Variants in GJA8 observed in about 807,000 individuals in gnomAD.
The protein encoded by GJA8 is gap junction alpha-8 protein.
Under a neutral mutation model 15.3 loss-of-function variants are expected in GJA8, and 13 were observed. The ratio of observed to expected loss-of-function variants is 0.85; its 90% CI spans 0.55 to 1.35. The LOEUF (loss-of-function observed/expected upper bound fraction) is 1.35. Among genes scored for constraint, GJA8 ranks in the 40% most tolerant of loss-of-function variants. The pLI is 0.00. For synonymous variants in GJA8, 304 were observed against 238.7 expected (o/e 1.27, Z -2.52); for missense variants, 607 against 553.3 (o/e 1.10, Z -0.97).
Position 147,907,994 on chromosome 1 carries a change from G to A in GJA8, c.39G>A (p.Glu13=). 6.2e-7 allele frequency: 1 copy of A among 1,614,094 alleles called. No individual in the cohort carries two copies. The highest frequency in any genetic ancestry group is 8.5e-7 in the Non-Finnish European group (1 of 1,179,972). The part of the protein sequence containing the change: ...DWSFLGNILE[E]VNEHSTVIGR... ...GTTTCCTGGGGAACATCTTGGAGGA[G>A]GTGAATGAGCACTCCACCGTCATCG... Residue 13 remains glutamate (E), a synonymous_variant, in exon 2 of 2, where the codon GAG becomes GAA. Coordinates refer to ENST00000369235, the MANE Select transcript of GJA8 (RefSeq NM_005267.5).
intron 1 of GJA8, among the ~76,000 whole-genome samples, chr1:147,906,847 T>C (rs1553242328): frequency 6.6e-6 from 1 of 152,162 alleles, no homozygotes; most frequent in African/African-American, 2.4e-5. Flanking sequence ...TCTTGGACAA[T>C]ATATTTAGCC....
At position 147,908,298 on chromosome 1, in the gene GJA8, G is replaced by A. The variant is rs782663112; in HGVS notation, c.343G>A (p.Gly115Ser). ...CAAAAGCCGCGAGGCGGAGGAGCTG[G>A]GCCAGCAGGCGGGGACTAACGGCGG... ...KRKSREAEEL[G>S]QQAGTNGGPD... is the part of the protein sequence containing the mutation. The change falls in exon 2 of 2, where the codon GGC becomes AGC. Residue 115 changes from glycine (G) to serine (S), a missense_variant. Transcript: ENST00000369235. 6.2e-7 allele frequency: 1 copy of A among 1,614,180 alleles called. No homozygotes were observed. Among genetic ancestry groups the A allele is most frequent in the Non-Finnish European group, 8.5e-7 (1 of 1,180,022 alleles).
chr1:147,905,248 A>G (rs1380696184), intron 1 of GJA8, among the ~76,000 whole-genome samples: 2 of 152,190 alleles, frequency 1.3e-5, no homozygotes, highest in Admixed American at 6.5e-5. Flanking sequence ...ACTGCTGTCT[A>G]TGGAGCTCCC....
chr1:147,904,181 C>CCTCGGCCTCCCAT (rs1401032013), intron 1 of GJA8, among the ~76,000 whole-genome samples: 13 of 152,164 alleles, frequency 8.5e-5, no homozygotes, highest in African/African-American at 3.1e-4. Context: ...GATCCTCCCA[C>CCTCGGCCTCCCAT]CTCGGCCTCC....
rs1553242761 is a variant in GJA8, at chr1:147,908,555, G to A, written c.600G>A (p.Thr200=). 3 of 1,614,032 alleles carry A rather than the reference G, an allele frequency of 1.9e-6. No individual in the cohort carries two copies. The highest frequency in any genetic ancestry group is 2.2e-5 in the East Asian group (1 of 44,888). Residue 200 remains threonine, a synonymous_variant, in exon 2 of 2, where the codon ACG becomes ACA. Transcript: ENST00000369235. ...TGGACTGCTTCGTGTCCCGGCCCAC[G>A]GAGAAAACCATCTTCATCCTGTTCA... ...NVVDCFVSRP[T]EKTIFILFML...
chr1:147,904,768 G>A (rs1380092339), intron 1 of GJA8, among the ~76,000 whole-genome samples: 2 of 152,162 alleles, frequency 1.3e-5, no homozygotes, highest in African/African-American at 4.8e-5. Flanking sequence ...CAGTAGGCCT[G>A]TTTCAACATC....
chr1:147,907,968 A>T lies in GJA8; in HGVS notation c.13A>T (p.Ser5Cys). Residue 5 changes from serine to cysteine, a missense_variant, in exon 2 of 2, where the codon AGT becomes TGT. Transcript: ENST00000369235. The stretch of plus-strand genomic sequence containing the variant: ...AGGTGGGTGAGAAATGGGCGACTGG[A>T]GTTTCCTGGGGAACATCTTGGAGGA... Reference protein sequence around the residue: MGDWSFLGNILEEVN... With the variant: MGDWCFLGNILEEVN... 1 of 1,613,708 alleles carries T rather than the reference A, an allele frequency of 6.2e-7. No homozygotes were observed. The highest frequency in any genetic ancestry group is 1.1e-5 in the South Asian group (1 of 91,070).
chr1:147,913,065 G>C (rs1553243683), downstream of GJA8, among the ~76,000 whole-genome samples: 1 of 152,012 alleles, frequency 6.6e-6, no homozygotes, highest in Non-Finnish European at 1.5e-5. Flanking sequence ...TCAAGTCAGG[G>C]GTGTTGATTG....
chr1:147,904,578 A>G (rs1401362362), intron 1 of GJA8, among the ~76,000 whole-genome samples: 1 of 152,224 alleles, frequency 6.6e-6, no homozygotes, highest in African/African-American at 2.4e-5. Context: ...CAAGCAAAAT[A>G]AAACAGAGAA....
chr1:147,903,288 T>C (rs180947626), intron 1 of GJA8, among the ~76,000 whole-genome samples: 40 of 152,320 alleles, frequency 2.6e-4, no homozygotes, highest in Non-Finnish European at 5.1e-4. Flanking sequence ...GGCTTCGTGC[T>C]CAGCATTTTC....
At chr1:147,902,962 G>C (rs1231225670) in intron 1 of GJA8, among the ~76,000 whole-genome samples, 101 bp downstream of exon 1, 4 of 152,132 alleles carry the variant, frequency 2.6e-5, no homozygotes, top group Non-Finnish European at 4.4e-5. Context: ...AAAGGAAAAA[G>C]GTTGCCAATA....
downstream of GJA8, among the ~76,000 whole-genome samples, chr1:147,912,980 A>T (rs1259217398): frequency 1.3e-5 from 2 of 152,064 alleles, no homozygotes; most frequent in African/African-American, 2.4e-5. Context: ...CCACACAGGG[A>T]AGCATCCAGT....
At chr1:147,912,149 C>T (rs1652186748), downstream of GJA8, among the ~76,000 whole-genome samples, 1 of 152,296 alleles carries the variant, frequency 6.6e-6, no homozygotes, top group African/African-American at 2.4e-5. Context: ...CATTTGCCAC[C>T]TACCTACATC....
At position 147,908,004 on chromosome 1, in the gene GJA8, C is replaced by G. The variant is rs782012694; in HGVS notation, c.49C>G (p.His17Asp). The change falls in exon 2 of 2, where the codon CAC (histidine) becomes GAC (aspartate). Residue 17 changes from histidine (H) to aspartate (D), a missense_variant. Coordinates refer to ENST00000369235, the MANE Select transcript of GJA8 (RefSeq NM_005267.5). ...LGNILEEVNE[H>D]STVIGRVWLT... The stretch of plus-strand genomic sequence containing the variant: ...GAACATCTTGGAGGAGGTGAATGAG[C>G]ACTCCACCGTCATCGGCAGAGTCTG... 9.3e-6 allele frequency: 15 copies of G among 1,613,622 alleles called. No homozygotes were observed. Among genetic ancestry groups the G allele is most frequent in the Non-Finnish European group, 1.1e-5 (13 of 1,179,538 alleles).
chr1:147,912,962 G>C (rs1266744846), downstream of GJA8, among the ~76,000 whole-genome samples: 1 of 148,362 alleles, frequency 6.7e-6, no homozygotes, highest in Non-Finnish European at 1.5e-5. Flanking sequence ...CCATGTCTTT[G>C]TCCCCTGCCA....
chr1:147,908,350 G>A lies in GJA8; in HGVS notation c.395G>A (p.Ser132Asn), dbSNP rs782766869. Reference protein sequence around the residue: ...GGPDQGSVKKSSGSKGTKKFR... With the variant: ...GGPDQGSVKKNSGSKGTKKFR... The stretch of plus-strand genomic sequence containing the variant: ...CCGGACCAGGGCAGCGTCAAGAAGA[G>A]CAGCGGCAGCAAAGGCACTAAGAAG... Residue 132 changes from serine (S) to asparagine (N), a missense_variant, in exon 2 of 2, where the codon AGC becomes AAC. Transcript: ENST00000369235. 1.7e-5 allele frequency: 27 copies of A among 1,614,084 alleles called. No individual in the cohort carries two copies. The highest frequency in any genetic ancestry group is 2.2e-5 in the Non-Finnish European group (26 of 1,180,052).
At chr1:147,904,829 T>C (rs1285031144) in intron 1 of GJA8, among the ~76,000 whole-genome samples, 2 of 152,166 alleles carry the variant, frequency 1.3e-5, no homozygotes, top group Non-Finnish European at 2.9e-5. Flanking sequence ...CCTTCAGTTA[T>C]CACAAGAAAC....
rs781956075 is a variant in GJA8, at chr1:147,909,264, G to A, written c.*7G>A. ...AGACGATCTAACCGTATGAAGTGAC[G>A]CCAAAGAAAAAAAAAAAAACGCCCA... On this transcript the variant is annotated 3_prime_UTR_variant, in exon 2 of 2. Coordinates refer to ENST00000369235, the MANE Select transcript of GJA8 (RefSeq NM_005267.5). 20 of 963,622 alleles carry A rather than the reference G, an allele frequency of 2.1e-5. No individual in the cohort carries two copies. The highest frequency in any genetic ancestry group is 2.2e-5 in the Admixed American group (1 of 45,402). 59.7% of individuals were successfully genotyped at this position (963,622 alleles called of 1,614,324 possible).
Position 147,909,130 on chromosome 1 carries a change from C to G in GJA8, c.1175C>G (p.Ser392Ter). Residue 392 changes from serine to a stop codon, truncating the protein, a stop_gained, in exon 2 of 2, where the codon TCA (serine) becomes TGA (stop). Transcript: ENST00000369235. LOFTEE classifies it high-confidence loss of function. ...GAAGAGCCGCAGTCGGAGAAGGTGTCAAAGCAAGGGCTGCCAGCTGAGAAG... is the reference window on the plus strand; with the variant it reads ...GAAGAGCCGCAGTCGGAGAAGGTGTGAAAGCAAGGGCTGCCAGCTGAGAAG... ...EKEEPQSEKV[S>*]KQGLPAEKTP... 2 of 1,613,976 alleles carry G rather than the reference C, an allele frequency of 1.2e-6. No individual in the cohort carries two copies. Among genetic ancestry groups the G allele is most frequent in the Non-Finnish European group, 1.7e-6 (2 of 1,179,952 alleles).
Sources: gnomAD v4.1 joint callset for allele counts (sites outside exome capture counted in the v4.1 genomes callset) on GRCh38, gnomAD v4.1.1 for gene constraint, MANE v1.5 for transcripts, NCBI Gene and HGNC (gene_info 2026-07-23, HGNC 2026-07-21) for gene names.